Variants in OVCH1 observed in about 807,000 individuals in gnomAD.
OVCH1 encodes ovochymase-1.
A neutral mutation model predicts 138.4 loss-of-function variants in OVCH1; 139 were observed. The ratio of observed to expected loss-of-function variants is 1.00; its 90% CI spans 0.87 to 1.16. The LOEUF (loss-of-function observed/expected upper bound fraction) is 1.16, where lower values mean the gene tolerates loss of function less well. Ranked by LOEUF, OVCH1 falls within the 50% of genes most tolerant of loss-of-function variation. The pLI, the probability that OVCH1 is intolerant of heterozygous loss-of-function variation, is 0.00. For synonymous variants in OVCH1, 453 were observed against 467.8 expected (o/e 0.97, Z 0.41); for missense variants, 1,367 against 1,357.9 (o/e 1.01, Z -0.11).
intron 16 of OVCH1, among the ~76,000 whole-genome samples, chr12:29,470,731 C>T (rs1942477088): frequency 6.6e-6 from 1 of 152,068 alleles, no homozygotes; most frequent in Non-Finnish European, 1.5e-5. Flanking sequence ...TGGGTATATA[C>T]CCAGTAATGT....
At chr12:29,483,380 A>G (rs972580371) in intron 8 of OVCH1, among the ~76,000 whole-genome samples, 2 of 152,252 alleles carry the variant, frequency 1.3e-5, no homozygotes, top group Non-Finnish European at 2.9e-5. Flanking sequence ...AGACAAAGTC[A>G]GTTTAGACCA....
At chr12:29,455,171 T>C in intron 20 of OVCH1, 78 bp downstream of exon 20, 1 of 1,478,748 alleles carries the variant, frequency 6.8e-7, no homozygotes, top group Non-Finnish European at 9.2e-7. Context: ...TTCATGCTAA[T>C]TTATACCACA....
chr12:29,445,718 A>G (rs1419252687), intron 22 of OVCH1, among the ~76,000 whole-genome samples: 1 of 152,126 alleles, frequency 6.6e-6, no homozygotes, highest in African/African-American at 2.4e-5. Flanking sequence ...TTCTCCTAGA[A>G]AAGTAACCTA....
At chr12:29,477,308 A>G (rs750902683) in intron 11 of OVCH1, 33 bp downstream of exon 11, 5 of 1,613,490 alleles carry the variant, frequency 3.1e-6, no homozygotes, top group Non-Finnish European at 4.2e-6. Context: ...ATCAAGGGAA[A>G]ATGGCAAGGA....
At chr12:29,404,761 G>A in the OVCH1 span, among the ~76,000 whole-genome samples, 6 of 151,978 alleles carry the variant, frequency 3.9e-5, no homozygotes, top group Admixed American at 3.3e-4. Context: ...GGTGGGTCAC[G>A]CCTGTAATTC....
chr12:29,448,393 A>G (rs975278970), intron 22 of OVCH1, among the ~76,000 whole-genome samples: 1 of 151,814 alleles, frequency 6.6e-6, no homozygotes, highest in Non-Finnish European at 1.5e-5. Flanking sequence ...GTCTGGAGGC[A>G]GGGGCGTGAT....
intron 16 of OVCH1, 136 bp from the exon 17 acceptor site, chr12:29,465,355 G>C (rs577131954): frequency 1.4e-6 from 1 of 723,804 alleles, no homozygotes; most frequent in East Asian, 2.9e-5. Context: ...ATGAAGAAGA[G>C]GTTTAATTGA....
chr12:29,471,955 G>C (rs1474405834), exon 16 of OVCH1: 1 of 1,612,514 alleles, frequency 6.2e-7, no homozygotes, highest in African/African-American at 1.3e-5. Context: ...AAGCCACTGG[G>C]GACTAAATGG....
exon 16 of OVCH1, chr12:29,471,981 A>T (rs764285521): frequency 1.2e-6 from 2 of 1,607,560 alleles, no homozygotes; most frequent in Non-Finnish European, 1.7e-6. Context: ...TGCCACAGAC[A>T]TCTACAGTAA....
At chr12:29,416,078 C>CAA (rs35897065) in intron 3 of OVCH1, among the ~76,000 whole-genome samples, 12,255 of 145,750 alleles carry the variant, frequency 0.084, 523 homozygotes, top group Middle Eastern at 0.11. Flanking sequence ...ACAAAAAAAG[C>CAA]AAAAAAAAAA....
intron 16 of OVCH1, among the ~76,000 whole-genome samples, chr12:29,471,412 G>A (rs529738142): frequency 6.6e-4 from 100 of 152,238 alleles, no homozygotes; most frequent in African/African-American, 2.2e-3. Context: ...GTGGTAAGGC[G>A]TCTGGAATTA....
At position 29,474,151 on chromosome 12, in the gene OVCH1, G is replaced by A. The variant is rs78240075; in HGVS notation, c.1600+910C>T. ...AGAGAACCCTGACTAATACAACACT[G>A]GACTTGTCTTCCTTCATATATTCCA... On this transcript the variant is annotated intron_variant, in intron 14 of 27. Transcript: ENST00000318184. 8.4e-4 allele frequency among the ~76,000 whole-genome samples: 127 copies of A among 151,012 alleles called. 3 individuals carry two copies. In the East Asian group the frequency reaches 0.023, roughly 27 times the overall value.
chr12:29,405,039 AAAAAAAAAAAAAAAAAAC>A, the OVCH1 span, among the ~76,000 whole-genome samples: 7 of 147,890 alleles, frequency 4.7e-5, no homozygotes, highest in South Asian at 2.2e-4. Flanking sequence ...AAAAAAAAAA[AAAAAAAAAAAAAAAAAAC>A]AAAAGAAATG....
intron 3 of OVCH1, among the ~76,000 whole-genome samples, chr12:29,422,139 G>A (rs568873311): frequency 5.9e-5 from 9 of 152,002 alleles, no homozygotes; most frequent in Non-Finnish European, 1.3e-4. Context: ...TAGACCTTTG[G>A]GCTGTTTGTA....
At chr12:29,436,235 G>A (rs925190643) in intron 26 of OVCH1, among the ~76,000 whole-genome samples, 1 of 151,716 alleles carries the variant, frequency 6.6e-6, no homozygotes, top group Non-Finnish European at 1.5e-5. Flanking sequence ...TAACATCTCT[G>A]CACATACATA....
At chr12:29,474,074 TACACACACACACACACAC>T (rs146655743) in intron 14 of OVCH1, among the ~76,000 whole-genome samples, 39 of 145,192 alleles carry the variant, frequency 2.7e-4, no homozygotes, top group African/African-American at 8.1e-4. Context: ...CACACACACA[TACACACACACACACACAC>T]ACACACACAC....
chr12:29,491,946 A>G (rs1943283930), intron 4 of OVCH1, among the ~76,000 whole-genome samples: 1 of 152,242 alleles, frequency 6.6e-6, no homozygotes, highest in African/African-American at 2.4e-5. Context: ...ATGAACAGAA[A>G]GAAAAATATC....
rs541253367 is a variant in OVCH1, at chr12:29,491,359, G to C, written c.455-167C>G. On this transcript the variant is annotated intron_variant, in intron 4 of 27. Coordinates refer to ENST00000318184, the Ensembl canonical transcript of OVCH1. ...CATATAAAACCGTTTTGTATTTATA[G>C]AAATTTTGAGAAATGCAGAAAAAGT... Among the ~76,000 whole-genome samples, 3 of 152,126 alleles carry C rather than the reference G, an allele frequency of 2.0e-5. No homozygotes were observed. In the East Asian group the frequency reaches 5.8e-4, roughly 29 times the overall value.
At chr12:29,487,589 C>T (rs1382974448) in intron 7 of OVCH1, 104 bp downstream of exon 7, 1 of 1,133,722 alleles carries the variant, frequency 8.8e-7, no homozygotes, top group African/African-American at 1.6e-5. Context: ...TTAAAACCAG[C>T]CTCATTCTTG....
Sources: allele counts gnomAD v4.1 joint callset (sites outside exome capture counted in the v4.1 genomes callset), GRCh38; gene constraint gnomAD v4.1.1; transcripts MANE v1.5; gene names NCBI Gene and HGNC (gene_info 2026-07-23, HGNC 2026-07-21).